Variants in CHERP observed in about 807,000 individuals in gnomAD.
CHERP encodes ERPROT 213-21.
In CHERP, 8 loss-of-function variants were observed where a neutral mutation model predicts 113.8. That is an observed-to-expected ratio of 0.07 (90% CI 0.04 to 0.13). The LOEUF (loss-of-function observed/expected upper bound fraction) is 0.13, where lower values mean the gene tolerates loss of function less well. CHERP is among the 10% of genes least tolerant of loss of function. The pLI is 1.00. For missense variants in CHERP, 884 were observed against 1,298.2 expected (o/e 0.68, Z 4.90); for synonymous variants, 559 against 524.5 (o/e 1.07, Z -0.90).
At chr19:16,531,571 CAG>C (rs1457650047) in intron 5 of CHERP, among the ~76,000 whole-genome samples, 2 of 152,160 alleles carry the variant, frequency 1.3e-5, no homozygotes, top group African/African-American at 4.8e-5. Flanking sequence ...GCAGGGGGCT[CAG>C]GGGAGCAAGG....
intron 9 of CHERP, among the ~76,000 whole-genome samples, chr19:16,527,625 G>A (rs780394857): frequency 1.3e-5 from 2 of 152,232 alleles, no homozygotes; most frequent in Non-Finnish European, 2.9e-5. Context: ...CCAGGGGTAT[G>A]TGACCCATAG....
At position 16,532,867 on chromosome 19, in the gene CHERP, C is replaced by T. The variant is rs1264221801; in HGVS notation, c.523-118G>A. 5.9e-6 allele frequency: 9 copies of T among 1,523,092 alleles called. No homozygotes were observed. The highest frequency in any genetic ancestry group is 1.9e-5 in the Admixed American group (1 of 51,526). 94.3% of individuals were successfully genotyped at this position (1,523,092 alleles called of 1,614,324 possible). A position where few individuals can be genotyped will look rare whatever the true frequency, so the allele number is the denominator to read the frequency against. Reference sequence around the variant, plus strand: ...AAGGACACACCATGAGCGTGGGGGGCACAGGGTCCCACAGCCTCAGGAGCT... The same window carrying T: ...AAGGACACACCATGAGCGTGGGGGGTACAGGGTCCCACAGCCTCAGGAGCT... On this transcript the variant is annotated intron_variant, in intron 4 of 16. Coordinates refer to ENST00000546361, the MANE Select transcript of CHERP (RefSeq NM_006387.6). The surrounding 1 kb of genome is among the most constrained non-coding windows in gnomAD (Gnocchi z 4.4).
rs774101622 is a variant in CHERP at position 16,525,386 on chromosome 19, G to A, written c.1597C>T (p.Pro533Ser). 22 of 1,500,134 alleles carry A rather than the reference G, an allele frequency of 1.5e-5. No individual in the cohort carries two copies. The highest frequency in any genetic ancestry group is 1.7e-5 in the Non-Finnish European group (19 of 1,124,728). 92.9% of individuals were successfully genotyped at this position (1,500,134 alleles called of 1,614,324 possible). Residue 533 changes from proline (P) to serine (S), a missense_variant, in exon 10 of 17, where the codon CCG becomes TCG. Around this residue, in one of 8 missense-constraint regions of CHERP, gnomAD observed 464 missense variants for 590.1 expected, o/e 0.79. Transcript: ENST00000546361. The surrounding 1 kb of genome is among the most constrained non-coding windows in gnomAD (Gnocchi z 6.5). ...GGGTGCGGAGGCTGGTTGAACTGCG[G>A]GTGCTGCTGGTGGGGCGGGAAGGGC... ...RGPFPPHQQHPQFNQPPHPHN... is the reference protein window; with the variant it reads ...RGPFPPHQQHSQFNQPPHPHN...
rs902382883 is a variant in CHERP at position 16,532,521 on chromosome 19, G to C, written c.674+77C>G. 6.9e-7 allele frequency: 1 copy of C among 1,459,570 alleles called. No homozygotes were observed. The highest frequency in any genetic ancestry group is 9.1e-7 in the Non-Finnish European group (1 of 1,099,978). 90.4% of individuals were successfully genotyped at this position (1,459,570 alleles called of 1,614,324 possible). ...GACAGGCCAAGCCAAGCTACCGACC[G>C]GAGCAAGCGGCCACCCAGGAGGGTT... On this transcript the variant is annotated intron_variant, in intron 5 of 16. Coordinates refer to ENST00000546361, the MANE Select transcript of CHERP (RefSeq NM_006387.6). The surrounding 1 kb of genome is among the most constrained non-coding windows in gnomAD (Gnocchi z 4.4).
Position 16,519,505 on chromosome 19 carries a change from GA to G in CHERP, c.2557+115del. 7.9e-7 allele frequency: 1 copy of G among 1,264,434 alleles called. No individual in the cohort carries two copies. The highest frequency in any genetic ancestry group is 1.1e-6 in the Non-Finnish European group (1 of 878,054). The allele number at this position is 1,264,434 out of a possible 1,614,324, so 78.3% of individuals were successfully genotyped here. A position where few individuals can be genotyped will look rare whatever the true frequency, so the allele number is the denominator to read the frequency against. On this transcript the variant is annotated intron_variant, in intron 16 of 16. Transcript: ENST00000546361. This position sits in a 1 kb window ranked among gnomAD's most constrained non-coding sequence, Gnocchi z 6.0. Reference sequence around the variant, plus strand: ...TGTCTAGAGGGTCTGGGTGGAGTCAGAACCGGCCTGACTCCATCCATCCCCA... The same window carrying G: ...TGTCTAGAGGGTCTGGGTGGAGTCAGACCGGCCTGACTCCATCCATCCCCA...
intron 10 of CHERP, among the ~76,000 whole-genome samples, chr19:16,524,488 G>T (rs921013360): frequency 4.0e-5 from 6 of 151,690 alleles, no homozygotes; most frequent in Admixed American, 3.9e-4. Flanking sequence ...TCTGGGAGGC[G>T]GAGGTTGCAG....
chr19:16,534,125 C>G (rs951874296), intron 3 of CHERP, among the ~76,000 whole-genome samples: 1 of 151,168 alleles, frequency 6.6e-6, no homozygotes, highest in African/African-American at 2.4e-5. Flanking sequence ...ATAATCTCAG[C>G]TCACTGCAAC....
chr19:16,522,260 A>AC (rs367731078), intron 11 of CHERP, among the ~76,000 whole-genome samples: 7 of 144,204 alleles, frequency 4.9e-5, no homozygotes, highest in African/African-American at 1.3e-4. Flanking sequence ...GGCCTCCCCA[A>AC]CCCCCCCTTT....
Position 16,523,277 on chromosome 19 carries a change from AG to A in CHERP, c.1754del (p.Pro585LeufsTer70). On this transcript the variant is annotated frameshift_variant, in exon 11 of 17. Coordinates refer to ENST00000546361, the MANE Select transcript of CHERP (RefSeq NM_006387.6). LOFTEE classifies it high-confidence loss of function. The surrounding 1 kb of genome is among the most constrained non-coding windows in gnomAD (Gnocchi z 4.0). ...QGDFPAEMGP[P>X]HHHPGHRMPH... ...GCATGCGGTGGCCAGGGTGGTGGTG[AG>A]GGGGCCCCATTTCTGCAAAACAGAG... is the stretch of plus-strand genomic sequence containing the variant. The A allele has an allele frequency of 6.2e-7, 1 of 1,601,454 alleles. No individual in the cohort carries two copies. The highest frequency in any genetic ancestry group is 2.3e-5 in the East Asian group (1 of 43,106).
chr19:16,540,411 C>T (rs1454951140), intron 2 of CHERP, among the ~76,000 whole-genome samples: 2 of 143,430 alleles, frequency 1.4e-5, no homozygotes, highest in African/African-American at 5.2e-5. Flanking sequence ...CTCATTCTGT[C>T]ACCCAGGCTG....
intron 9 of CHERP, 62 bp downstream of exon 9, chr19:16,528,018 G>A (rs942885324): frequency 2.0e-6 from 3 of 1,532,332 alleles, no homozygotes; most frequent in Admixed American, 3.5e-5. Flanking sequence ...CTGGCATAGG[G>A]GAGGCTACCC....
In CHERP at chr19:16,520,295, G is replaced by A. The variant is rs142891196; in HGVS notation, c.2346-30C>T. ...AGGGAAGGGTGCCCAAGGGTCAGCA[G>A]CAGCCAGGCGTCGTGGGGAGGCCAC... On this transcript the variant is annotated intron_variant, in intron 14 of 16. Transcript: ENST00000546361. The surrounding 1 kb of genome is among the most constrained non-coding windows in gnomAD (Gnocchi z 4.0). 198 of 1,613,314 alleles carry A rather than the reference G, an allele frequency of 1.2e-4. 1 individual carries two copies. The African/African-American group carries it at 2.5e-3, about 20-fold the overall frequency.
In CHERP at chr19:16,532,459, C is replaced by A. The variant is rs995820065; in HGVS notation, c.674+139G>T. The stretch of plus-strand genomic sequence containing the variant: ...AGCCTGGTGGCTCACAGAGACCCCC[C>A]ACCCGGGGTCCCCGGACAAGTGCCC... On this transcript the variant is annotated intron_variant, in intron 5 of 16. Transcript: ENST00000546361. The surrounding 1 kb of genome is among the most constrained non-coding windows in gnomAD (Gnocchi z 4.4). The A allele has an allele frequency of 2.8e-6, 3 of 1,079,602 alleles. No homozygotes were observed. Among genetic ancestry groups the A allele is most frequent in the South Asian group, 1.7e-5 (1 of 59,868 alleles). The allele number at this position is 1,079,602 out of a possible 1,614,324, so 66.9% of individuals were successfully genotyped here.
chr19:16,532,981 G>C lies in CHERP; in HGVS notation c.522+30C>G. 1 of 1,558,154 alleles carries C rather than the reference G, an allele frequency of 6.4e-7. No homozygotes were observed. The highest frequency in any genetic ancestry group is 1.7e-4 in the Middle Eastern group (1 of 5,994). The stretch of plus-strand genomic sequence containing the variant: ...TGCCTCAGGGAGGGACCAAGGGAAA[G>C]CTGGGCTCTGGGAAGTGCTGGCCCC... On this transcript the variant is annotated intron_variant, in intron 4 of 16. Transcript: ENST00000546361. This position sits in a 1 kb window ranked among gnomAD's most constrained non-coding sequence, Gnocchi z 4.4.
Position 16,530,851 on chromosome 19 carries a change from G to A in CHERP, c.704C>T (p.Ala235Val). ...GGGCACCACGACCTTCTGCAGGGCG[G>A]CCAGCAGCTCCCGGGCCTGCTTGCG... ...CQRKQARELL[A>V]ALQKVVVPIY... The change falls in exon 6 of 17, where the codon GCC becomes GTC. Residue 235 changes from alanine to valine, a missense_variant. By Grantham distance (64) the Ala-to-Val change is moderately conservative. Coordinates refer to ENST00000546361, the MANE Select transcript of CHERP (RefSeq NM_006387.6). The surrounding 1 kb of genome is among the most constrained non-coding windows in gnomAD (Gnocchi z 4.1). 1 of 1,613,652 alleles carries A rather than the reference G, an allele frequency of 6.2e-7. No homozygotes were observed.
At chr19:16,539,314 A>T (rs889795528) in intron 2 of CHERP, among the ~76,000 whole-genome samples, 1 of 151,364 alleles carries the variant, frequency 6.6e-6, no homozygotes, top group Non-Finnish European at 1.5e-5. Context: ...CGCCTGGCTA[A>T]TTTTTTGTAT....
Position 16,542,364 on chromosome 19 carries a change from C to A in CHERP, c.15G>T (p.Leu5=). 7.2e-7 allele frequency: 1 copy of A among 1,392,974 alleles called. No homozygotes were observed. Among genetic ancestry groups the A allele is most frequent in the Admixed American group, 3.0e-5 (1 of 33,306 alleles). The allele number at this position is 1,392,974 out of a possible 1,614,324, so 86.3% of individuals were successfully genotyped here. ...CGGTTTGGGTCTCACCATCGGGGGG[C>A]AGCGGCATCTCCATGGCTCCGGCCG... MEMP[L]PPDDQELRNV... The change falls in exon 1 of 17, where the codon CTG becomes CTT. Residue 5 remains leucine, a synonymous_variant. Transcript: ENST00000546361.
At position 16,519,899 on chromosome 19, in the gene CHERP, G is replaced by T; in HGVS notation, c.2463-184C>A. On this transcript the variant is annotated intron_variant, in intron 15 of 16. Coordinates refer to ENST00000546361, the MANE Select transcript of CHERP (RefSeq NM_006387.6). This position sits in a 1 kb window ranked among gnomAD's most constrained non-coding sequence, Gnocchi z 6.0. ...CTAGATAAGGGGGCTCCAGACGCTG[G>T]CCCCCACCCCACGCTCAGCATTGAG... 1.5e-6 allele frequency: 1 copy of T among 670,916 alleles called. No homozygotes were observed. Among genetic ancestry groups the T allele is most frequent in the South Asian group, 1.8e-5 (1 of 57,128 alleles). 41.6% of individuals were successfully genotyped at this position (670,916 alleles called of 1,614,324 possible). A position where few individuals can be genotyped will look rare whatever the true frequency, so the allele number is the denominator to read the frequency against.
rs2085714239 is a variant in CHERP, at chr19:16,532,624, G to A, written c.648C>T (p.Tyr216=). 6.2e-7 allele frequency: 1 copy of A among 1,610,140 alleles called. No individual in the cohort carries two copies. Among genetic ancestry groups the A allele is most frequent in the South Asian group, 1.1e-5 (1 of 91,002 alleles). The stretch of plus-strand genomic sequence containing the variant: ...AGTGGTGCAGCACGTCATTGATCAG[G>A]TAGATGAGGTGCAGCCGCAGCTCGA... ...AHFELRLHLI[Y]LINDVLHHCQ... The change falls in exon 5 of 17, where the codon TAC becomes TAT. Residue 216 remains tyrosine (Y), a synonymous_variant. Transcript: ENST00000546361. The surrounding 1 kb of genome is among the most constrained non-coding windows in gnomAD (Gnocchi z 4.4).
Sources: allele counts gnomAD v4.1 joint callset (sites outside exome capture counted in the v4.1 genomes callset), GRCh38; gene constraint gnomAD v4.1.1; regional missense constraint gnomAD v4.1.1; non-coding constraint Gnocchi (gnomAD v3.1); transcripts MANE v1.5; gene names NCBI Gene and HGNC (gene_info 2026-07-23, HGNC 2026-07-21).